The following BICC1 variants were observed in gnomAD, a reference collection of about 807,000 sequenced individuals.
BICC1 encodes BicC family RNA binding protein 1, also known as protein bicaudal C homolog 1.
Under a neutral mutation model 111.0 loss-of-function variants are expected in BICC1, and 43 were observed. That is an observed-to-expected ratio of 0.39 (90% confidence interval 0.30 to 0.50). BICC1 has a LOEUF of 0.50. BICC1 is among the 20% of genes least tolerant of loss of function. The pLI, the probability that BICC1 is intolerant of heterozygous loss-of-function variation, is 0.88. For missense variants in BICC1, 1,091 were observed against 1,203.2 expected, an observed-to-expected ratio of 0.91 and a Z score of 1.38; for synonymous variants, 467 against 434.4, an observed-to-expected ratio of 1.07 and a Z score of -0.93.
At chr10:58,755,897 C>T (rs1301430593) in intron 3 of BICC1, among the ~76,000 whole-genome samples, 1 of 152,150 alleles carries the variant, frequency 6.6e-6, no homozygotes, top group Admixed American at 6.6e-5. Flanking sequence ...GATTAGTCAC[C>T]TCACAGTTCT....
At chr10:58,552,928 C>G (rs1442631327) in intron 1 of BICC1, among the ~76,000 whole-genome samples, 2 of 152,166 alleles carry the variant, frequency 1.3e-5, no homozygotes, top group African/African-American at 4.8e-5. Context: ...GGCTTTCAGA[C>G]AGATATATAA....
At chr10:58,811,854 G>A (rs911400830) in intron 17 of BICC1, among the ~76,000 whole-genome samples, 4 of 152,200 alleles carry the variant, frequency 2.6e-5, no homozygotes, top group Non-Finnish European at 5.9e-5. Flanking sequence ...TGGGGAAAGA[G>A]TAGTAGGCCA....
intron 2 of BICC1, among the ~76,000 whole-genome samples, chr10:58,683,686 T>C (rs974633085): frequency 1.3e-5 from 2 of 152,092 alleles, no homozygotes; most frequent in African/African-American, 2.4e-5. Flanking sequence ...CTGTCTGTTA[T>C]TGGTGTATAG....
At chr10:58,713,485 C>T (rs1840641883) in intron 3 of BICC1, among the ~76,000 whole-genome samples, 1 of 152,100 alleles carries the variant, frequency 6.6e-6, no homozygotes, top group Admixed American at 6.5e-5. Context: ...TGTTATTCTC[C>T]CCATTATATA....
chr10:58,555,252 C>T (rs1045388938), intron 1 of BICC1, among the ~76,000 whole-genome samples: 2 of 149,316 alleles, frequency 1.3e-5, no homozygotes, highest in Non-Finnish European at 3.0e-5. Flanking sequence ...TTGTAACAAC[C>T]TCATAGATGT....
chr10:58,769,910 G>A (rs1053857378), intron 3 of BICC1, among the ~76,000 whole-genome samples: 6 of 151,956 alleles, frequency 3.9e-5, no homozygotes, highest in African/African-American at 1.2e-4. Flanking sequence ...GTGGACTTTC[G>A]TACTGATTAG....
At chr10:58,551,330 C>T (rs927434361) in intron 1 of BICC1, among the ~76,000 whole-genome samples, 3 of 152,074 alleles carry the variant, frequency 2.0e-5, no homozygotes, top group Admixed American at 6.5e-5. Flanking sequence ...TACCTTTAAG[C>T]TGCAAAACTT....
intron 3 of BICC1, among the ~76,000 whole-genome samples, chr10:58,737,787 G>A (rs1841521481): frequency 1.3e-5 from 2 of 152,136 alleles, no homozygotes; most frequent in Admixed American, 1.3e-4. Context: ...ATTCTAACTG[G>A]TGTAAGGTGG....
At chr10:58,568,816 G>A (rs1843852011) in intron 1 of BICC1, among the ~76,000 whole-genome samples, 1 of 152,140 alleles carries the variant, frequency 6.6e-6, no homozygotes, top group African/African-American at 2.4e-5. Flanking sequence ...AATCACATCT[G>A]AACACCTTTT....
chr10:58,792,037 CCA>C (rs1400460524), intron 8 of BICC1, among the ~76,000 whole-genome samples: 1 of 152,048 alleles, frequency 6.6e-6, no homozygotes, highest in Non-Finnish European at 1.5e-5. Context: ...AGTGATCCAC[CCA>C]CCTAAGCCTC....
intron 1 of BICC1, among the ~76,000 whole-genome samples, chr10:58,558,518 T>G (rs1235834743): frequency 6.6e-6 from 1 of 152,128 alleles, no homozygotes; most frequent in East Asian, 1.9e-4. Flanking sequence ...GCTTGTTCGG[T>G]GTAAAACCAC....
intron 8 of BICC1, among the ~76,000 whole-genome samples, chr10:58,792,943 T>A (rs1289214965): frequency 2.0e-5 from 3 of 152,134 alleles, no homozygotes; most frequent in East Asian, 3.9e-4. Flanking sequence ...GATACCAAAG[T>A]ACAAGATCCT....
At chr10:58,580,179 A>G (rs532731839) in intron 1 of BICC1, among the ~76,000 whole-genome samples, 18 of 152,046 alleles carry the variant, frequency 1.2e-4, no homozygotes, top group African/African-American at 4.3e-4. Flanking sequence ...ACCCACCATC[A>G]CACCCGGCTA....
chr10:58,624,199 T>A (rs1261704888), intron 2 of BICC1, among the ~76,000 whole-genome samples: 1 of 152,200 alleles, frequency 6.6e-6, no homozygotes, highest in East Asian at 1.9e-4. Flanking sequence ...TGTGCCTGTC[T>A]CTATGTCCAA....
chr10:58,556,112 A>C (rs1040406113), intron 1 of BICC1, among the ~76,000 whole-genome samples: 2 of 152,142 alleles, frequency 1.3e-5, no homozygotes, highest in African/African-American at 4.8e-5. Context: ...TTATTAACTT[A>C]GGGTGATTGC....
At chr10:58,626,427 G>C (rs1837625492) in intron 2 of BICC1, among the ~76,000 whole-genome samples, 1 of 152,178 alleles carries the variant, frequency 6.6e-6, no homozygotes, top group African/African-American at 2.4e-5. Flanking sequence ...ACCCCGTAAA[G>C]GTTGTTTAGT....
At chr10:58,697,756 C>A (rs1253722537) in intron 2 of BICC1, among the ~76,000 whole-genome samples, 1 of 152,076 alleles carries the variant, frequency 6.6e-6, no homozygotes, top group East Asian at 1.9e-4. Flanking sequence ...GCCCCCAGAT[C>A]CAGTAACCTA....
chr10:58,545,541 G>T (rs1436775723), intron 1 of BICC1, among the ~76,000 whole-genome samples: 1 of 152,118 alleles, frequency 6.6e-6, no homozygotes, highest in East Asian at 1.9e-4. Flanking sequence ...GTCAGAATCA[G>T]AACAAGCAAA....
intron 2 of BICC1, among the ~76,000 whole-genome samples, chr10:58,688,103 C>T (rs1300212093): frequency 1.3e-5 from 2 of 152,124 alleles, no homozygotes; most frequent in Non-Finnish European, 2.9e-5. Flanking sequence ...ATGAGTGTTA[C>T]AGCTCTTAAA....
Sources: gnomAD v4.1 joint callset for allele counts (sites outside exome capture counted in the v4.1 genomes callset) on GRCh38, gnomAD v4.1.1 for gene constraint, MANE v1.5 for transcripts, NCBI Gene and HGNC (gene_info 2026-07-23, HGNC 2026-07-21) for gene names.